The following ADAMTS19 variants were observed in gnomAD, a reference collection of about 807,000 sequenced individuals.
ADAMTS19 encodes ADAM metallopeptidase with thrombospondin type 1 motif 19.
In ADAMTS19, 93 loss-of-function variants were observed where a neutral mutation model predicts 153.3. The ratio of observed to expected loss-of-function variants is 0.61; its 90% CI spans 0.51 to 0.72. ADAMTS19 has a LOEUF of 0.72. Ranked by LOEUF, ADAMTS19 falls within the 30% of genes least tolerant of loss-of-function variation. ADAMTS19 has a pLI of 0.00. For missense variants in ADAMTS19, 1,482 were observed against 1,552.1 expected, an observed-to-expected ratio of 0.95 and a Z score of 0.76; for synonymous variants, 600 against 556.6, an observed-to-expected ratio of 1.08 and a Z score of -1.10.
chr5:129,579,980 A>T lies in ADAMTS19; in HGVS notation c.1373-16579A>T, dbSNP rs376662165. 2.0e-5 allele frequency among the ~76,000 whole-genome samples: 3 copies of T among 152,236 alleles called. No homozygotes were observed. The South Asian group carries it at 6.2e-4, about 32-fold the overall frequency. Reference sequence around the variant, plus strand: ...TTTTCTAATTCTGTGAAGAAAGTCAATGGTAGCTTGATGGGGATAGCATTG... The same window carrying T: ...TTTTCTAATTCTGTGAAGAAAGTCATTGGTAGCTTGATGGGGATAGCATTG... On this transcript the variant is annotated intron_variant, in intron 7 of 22. Transcript: ENST00000274487.
intron 22 of ADAMTS19, among the ~76,000 whole-genome samples, chr5:129,736,418 A>C (rs533798683): frequency 8.2e-4 from 125 of 152,234 alleles, no homozygotes; most frequent in African/African-American, 2.9e-3. Flanking sequence ...GACTTTCATT[A>C]TGCATTCCAG....
chr5:129,649,055 C>T, intron 13 of ADAMTS19, 85 bp downstream of exon 13: 1 of 1,265,638 alleles, frequency 7.9e-7, no homozygotes, highest in Non-Finnish European at 1.1e-6. Flanking sequence ...ATTATTTTAC[C>T]TATTATCTTC....
At chr5:129,571,410 T>C (rs1753903904) in intron 7 of ADAMTS19, among the ~76,000 whole-genome samples, 1 of 151,600 alleles carries the variant, frequency 6.6e-6, no homozygotes, top group South Asian at 2.1e-4. Flanking sequence ...TGTGAGTATA[T>C]GTGTGTGTGT....
Position 129,737,188 on chromosome 5 carries a change from C to G in ADAMTS19, c.3612C>G (p.Phe1204Leu). 6.2e-7 allele frequency: 1 copy of G among 1,607,508 alleles called. No homozygotes were observed. The highest frequency in any genetic ancestry group is 8.5e-7 in the Non-Finnish European group (1 of 1,175,784). The change falls in exon 23 of 23, where the codon TTC becomes TTG. Residue 1204 changes from phenylalanine (F) to leucine (L), a missense_variant. Physicochemically the swap from Phe to Leu is conservative, Grantham distance 22. Around this residue, in one of 2 missense-constraint regions of ADAMTS19, gnomAD observed 616 missense variants for 724.4 expected, o/e 0.85. Transcript: ENST00000274487. ...YQRCCETCRD[F>L]YAQKLQQKS ...GCTGCTGTGAAACATGCAGGGACTT[C>G]TATGCCCAAAAGCTGCAGCAGAAGA...
intron 7 of ADAMTS19, among the ~76,000 whole-genome samples, chr5:129,574,133 C>T (rs1011667704): frequency 6.6e-6 from 1 of 151,922 alleles, no homozygotes; most frequent in Non-Finnish European, 1.5e-5. Flanking sequence ...ATAAAGAAAG[C>T]CACAGTTTAT....
At chr5:129,694,610 A>AC (rs1376298786) in intron 18 of ADAMTS19, 110 bp from the exon 19 acceptor site, 1 of 682,446 alleles carries the variant, frequency 1.5e-6, no homozygotes, top group African/African-American at 1.9e-5. Context: ...AATTTAAATT[A>AC]TAAAAAAGTT....
intron 18 of ADAMTS19, among the ~76,000 whole-genome samples, chr5:129,685,554 A>G (rs1755045313): frequency 6.6e-6 from 1 of 152,170 alleles, no homozygotes; most frequent in African/African-American, 2.4e-5. Flanking sequence ...TATATTTGGA[A>G]CATGAAAGTC....
chr5:129,482,307 C>T (rs1285377994), intron 2 of ADAMTS19, among the ~76,000 whole-genome samples: 1 of 152,074 alleles, frequency 6.6e-6, no homozygotes, highest in Non-Finnish European at 1.5e-5. Context: ...ACCCAACAAA[C>T]TTTCCATCTC....
At chr5:129,463,141 T>C (rs973120899) in intron 2 of ADAMTS19, among the ~76,000 whole-genome samples, 1 of 152,194 alleles carries the variant, frequency 6.6e-6, no homozygotes, top group Admixed American at 6.5e-5. Context: ...GGGAAAACAT[T>C]TTGTGGAGAT....
intron 7 of ADAMTS19, among the ~76,000 whole-genome samples, chr5:129,564,026 T>C (rs1473380747): frequency 6.6e-6 from 1 of 152,136 alleles, no homozygotes; most frequent in African/African-American, 2.4e-5. Flanking sequence ...TTCAAGCGAT[T>C]CGCCTGCCTC....
chr5:129,664,693 T>G (rs13436218), intron 15 of ADAMTS19, among the ~76,000 whole-genome samples: 14,815 of 152,028 alleles, frequency 0.097, 810 homozygotes, highest in African/African-American at 0.14. Context: ...ACATGGATCT[T>G]CACAGAACTA....
chr5:129,530,379 G>C (rs1237201039), intron 6 of ADAMTS19, among the ~76,000 whole-genome samples: 3 of 152,038 alleles, frequency 2.0e-5, no homozygotes, highest in African/African-American at 7.2e-5. Flanking sequence ...TTTGATGAAA[G>C]GCAACAAATA....
rs1750274406 is a variant in ADAMTS19, at chr5:129,477,831, A to G, written c.747+16074A>G. Among the ~76,000 whole-genome samples, 3 of 152,202 alleles carry G rather than the reference A, an allele frequency of 2.0e-5. No homozygotes were observed. In the South Asian group the frequency reaches 6.2e-4, roughly 31 times the overall value. ...ATTGTAAGAAAATACATCAGACTCTATACTGGAACTGCATAATCAACTGTC... is the reference window on the plus strand; with the variant it reads ...ATTGTAAGAAAATACATCAGACTCTGTACTGGAACTGCATAATCAACTGTC... On this transcript the variant is annotated intron_variant, in intron 2 of 22. Transcript: ENST00000274487.
At chr5:129,628,281 A>G (rs1752143909) in intron 10 of ADAMTS19, among the ~76,000 whole-genome samples, 1 of 151,902 alleles carries the variant, frequency 6.6e-6, no homozygotes, top group South Asian at 2.1e-4. Context: ...GAAGGGAACA[A>G]TAGACACTGG....
chr5:129,529,229 A>G (rs1219079714), intron 6 of ADAMTS19, among the ~76,000 whole-genome samples: 1 of 152,174 alleles, frequency 6.6e-6, no homozygotes. Flanking sequence ...TATGATTACT[A>G]TATTTAATAA....
At chr5:129,580,725 T>A (rs1749472275) in intron 7 of ADAMTS19, among the ~76,000 whole-genome samples, 1 of 152,230 alleles carries the variant, frequency 6.6e-6, no homozygotes, top group Non-Finnish European at 1.5e-5. Flanking sequence ...GTTTATGTGA[T>A]GGATTACATT....
chr5:129,735,578 TA>T (rs1757631576), intron 22 of ADAMTS19, among the ~76,000 whole-genome samples: 1 of 152,032 alleles, frequency 6.6e-6, no homozygotes, highest in Admixed American at 6.6e-5. Context: ...TCTACACCAT[TA>T]AACAAGAAGT....
chr5:129,476,324 A>G (rs898810410), intron 2 of ADAMTS19, among the ~76,000 whole-genome samples: 1 of 152,304 alleles, frequency 6.6e-6, no homozygotes, highest in Admixed American at 6.5e-5. Context: ...AATAAGGAAT[A>G]CAAAATAGGA....
chr5:129,648,582 A>G (rs30677), intron 12 of ADAMTS19, among the ~76,000 whole-genome samples: 62,753 of 151,854 alleles, frequency 0.41, 14,325 homozygotes, highest in African/African-American at 0.62. Context: ...TATTCCTCAT[A>G]TATTTTGGAA....
Sources: allele counts gnomAD v4.1 joint callset (sites outside exome capture counted in the v4.1 genomes callset), GRCh38; gene constraint gnomAD v4.1.1; regional missense constraint gnomAD v4.1.1; transcripts MANE v1.5; gene names NCBI Gene and HGNC (gene_info 2026-07-23, HGNC 2026-07-21).